The following DOP1B variants were observed in gnomAD, a reference collection of about 807,000 sequenced individuals.
DOP1B encodes DOP1 leucine zipper like protein B.
Under a neutral mutation model 233.5 loss-of-function variants are expected in DOP1B, and 174 were observed. The ratio of observed to expected loss-of-function variants is 0.75; its 90% CI spans 0.66 to 0.85. The LOEUF is 0.85. Ranked by LOEUF, DOP1B falls within the 40% of genes least tolerant of loss-of-function variation. The pLI is 0.00. For missense variants in DOP1B, 2,652 were observed against 2,846.6 expected (o/e 0.93, Z 1.56); for synonymous variants, 1,190 against 1,185.6 (o/e 1.00, Z -0.08).
rs1411635532 is a variant in DOP1B, at chr21:36,230,816, A to G, written c.2032A>G (p.Arg678Gly). 3.1e-6 allele frequency: 5 copies of G among 1,614,166 alleles called. No homozygotes were observed. The highest frequency in any genetic ancestry group is 2.5e-6 in the Non-Finnish European group (3 of 1,180,014). Residue 678 changes from arginine to glycine, a missense_variant, in exon 14 of 37, where the codon AGG (arginine) becomes GGG (glycine). By Grantham distance (125) the Arg-to-Gly change is moderately radical (BLOSUM62 -2). Around this residue, in one of 3 missense-constraint regions of DOP1B, gnomAD observed 2,617 missense variants for 2,794.3 expected, o/e 0.94. Coordinates refer to ENST00000691173, the MANE Select transcript of DOP1B (RefSeq NM_001320714.2). ...TQSLAANDSS[R>G]KNSWEPKPIT... ...GAGCCTGGCAGCCAATGATTCCAGC[A>G]GGAAGAACTCTTGGGAGCCCAAGCC...
At position 36,162,712 on chromosome 21, in the gene DOP1B, A is replaced by G. The variant is rs2065879357; in HGVS notation, c.-26-1996A>G. On this transcript the variant is annotated intron_variant, in intron 1 of 36. Transcript: ENST00000691173. Reference sequence around the variant, plus strand: ...GTGCCACCATGCCCAGCTATTTTTTATGTTTATTTTTTGGTAGAGATGGGT... The same window carrying G: ...GTGCCACCATGCCCAGCTATTTTTTGTGTTTATTTTTTGGTAGAGATGGGT... Among the ~76,000 whole-genome samples the G allele has an allele frequency of 2.0e-5, 3 of 151,200 alleles. No homozygotes were observed. The South Asian group carries it at 6.3e-4, about 32-fold the overall frequency.
intron 27 of DOP1B, among the ~76,000 whole-genome samples, chr21:36,270,799 A>G (rs1475197106): frequency 6.6e-6 from 1 of 150,822 alleles, no homozygotes; most frequent in Admixed American, 6.6e-5. Context: ...CTGTAATCCC[A>G]GCTACATGGG....
intron 9 of DOP1B, among the ~76,000 whole-genome samples, chr21:36,218,708 T>C (rs2123511271): frequency 6.6e-6 from 1 of 152,344 alleles, no homozygotes; most frequent in Middle Eastern, 3.4e-3. Flanking sequence ...TTTCTGCCTT[T>C]GGATACATGG....
intron 10 of DOP1B, 56 bp downstream of exon 10, chr21:36,219,548 T>C: frequency 6.3e-7 from 1 of 1,586,546 alleles, no homozygotes; most frequent in Non-Finnish European, 8.6e-7. Flanking sequence ...TACTGTGATT[T>C]TTTTTTTCCT....
rs144969699 is a variant in DOP1B, at chr21:36,259,625, C to T, written c.5260-1052C>T. ...GGAGTGGGAATGGTGCTCCACAGGG[C>T]GGTCTGTGCTGCTGCAGGCTTGGTC... On this transcript the variant is annotated intron_variant, in intron 23 of 36. Transcript: ENST00000691173. 1.9e-3 allele frequency among the ~76,000 whole-genome samples: 288 copies of T among 152,254 alleles called. 1 individual carries two copies. In the Middle Eastern group the frequency reaches 0.024, roughly 13 times the overall value.
At chr21:36,270,912 C>CA (rs71326665) in intron 27 of DOP1B, among the ~76,000 whole-genome samples, 73,265 of 127,470 alleles carry the variant, frequency 0.57, 20,053 homozygotes, top group African/African-American at 0.67. Context: ...GACTACACCT[C>CA]AAAAAAAAAA....
chr21:36,200,526 G>A lies in DOP1B; in HGVS notation c.491+25G>A, dbSNP rs528474098. The A allele has an allele frequency of 6.9e-6, 11 of 1,584,794 alleles. 1 individual carries two copies. The Admixed American group carries it at 1.1e-4, about 16-fold the overall frequency. On this transcript the variant is annotated intron_variant, in intron 4 of 36. Transcript: ENST00000691173. ...GGTGCGTGGGCGTCTTGTCCAGGCT[G>A]TGTTTACTCCACTGCTTTATAAGAC...
At chr21:36,251,428 T>C in intron 22 of DOP1B, 144 bp downstream of exon 22, 1 of 1,283,668 alleles carries the variant, frequency 7.8e-7, no homozygotes. Flanking sequence ...TTTATTTCTT[T>C]ATCTATTTGA....
chr21:36,229,123 G>A (rs1040427792), intron 13 of DOP1B, among the ~76,000 whole-genome samples: 2 of 152,168 alleles, frequency 1.3e-5, no homozygotes, highest in African/African-American at 4.8e-5. Context: ...TGTTTTATGT[G>A]TGTGTTTGTG....
intron 2 of DOP1B, among the ~76,000 whole-genome samples, chr21:36,176,890 CT>C (rs2066038206): frequency 6.6e-6 from 1 of 152,160 alleles, no homozygotes; most frequent in Admixed American, 6.5e-5. Flanking sequence ...CCAATCTTGG[CT>C]CACTACAACC....
At chr21:36,180,077 T>C (rs957343049) in intron 2 of DOP1B, among the ~76,000 whole-genome samples, 1 of 152,168 alleles carries the variant, frequency 6.6e-6, no homozygotes, top group Non-Finnish European at 1.5e-5. Flanking sequence ...CTTGTCACTC[T>C]TCTGATTCCA....
At chr21:36,247,171 G>A (rs1340267304) in intron 19 of DOP1B, among the ~76,000 whole-genome samples, 4 of 152,124 alleles carry the variant, frequency 2.6e-5, no homozygotes, top group Admixed American at 6.6e-5. Context: ...GAGCCACTGC[G>A]CCCAGCCCTG....
chr21:36,240,570 C>A (rs983325265), intron 18 of DOP1B, among the ~76,000 whole-genome samples: 2 of 152,136 alleles, frequency 1.3e-5, no homozygotes, highest in South Asian at 2.1e-4. Context: ...CTCTAAGATT[C>A]TTTTAGACTA....
chr21:36,165,135 G>A (rs1601372356), intron 2 of DOP1B, among the ~76,000 whole-genome samples: 1 of 152,052 alleles, frequency 6.6e-6, no homozygotes, highest in Non-Finnish European at 1.5e-5. Flanking sequence ...ATCAATGTAT[G>A]TACCTCCTTC....
At chr21:36,241,474 G>GT (rs1336962426) in intron 18 of DOP1B, among the ~76,000 whole-genome samples, 2 of 130,292 alleles carry the variant, frequency 1.5e-5, no homozygotes, top group African/African-American at 2.8e-5. Flanking sequence ...GCCAGTTCTT[G>GT]TTTTTTCTTA....
intron 32 of DOP1B, among the ~76,000 whole-genome samples, chr21:36,283,076 CTGTTT>C (rs766937627): frequency 1.7e-4 from 21 of 124,428 alleles, no homozygotes; most frequent in Non-Finnish European, 2.9e-4. Context: ...AGTTGACATT[CTGTTT>C]TGTTTTTGTT....
chr21:36,198,478 G>A (rs1037321703), intron 2 of DOP1B, among the ~76,000 whole-genome samples: 2 of 151,118 alleles, frequency 1.3e-5, no homozygotes, highest in Non-Finnish European at 2.9e-5. Context: ...GGCCTCCCAC[G>A]CACAAAGTTC....
intron 13 of DOP1B, 123 bp downstream of exon 13, chr21:36,228,000 T>A (rs1050302437): frequency 1.0e-6 from 1 of 987,434 alleles, no homozygotes; most frequent in Non-Finnish European, 1.4e-6. Context: ...CCAGGTGATA[T>A]GTCAAATATG....
At chr21:36,174,790 G>A (rs1481429975) in intron 2 of DOP1B, among the ~76,000 whole-genome samples, 2 of 151,994 alleles carry the variant, frequency 1.3e-5, no homozygotes, top group Non-Finnish European at 2.9e-5. Context: ...GTGAGCCACC[G>A]TGCCTGGCCG....
Sources: allele counts gnomAD v4.1 joint callset (sites outside exome capture counted in the v4.1 genomes callset), GRCh38; gene constraint gnomAD v4.1.1; regional missense constraint gnomAD v4.1.1; transcripts MANE v1.5; gene names NCBI Gene and HGNC (gene_info 2026-07-23, HGNC 2026-07-21).